GRIN2A: variants seen among roughly 807,000 people sequenced by gnomAD.
GRIN2A encodes glutamate receptor ionotropic, NMDA 2A.
A neutral mutation model predicts 113.4 loss-of-function variants in GRIN2A; 22 were observed. The observed-to-expected ratio is 0.19, with a 90% CI of 0.14 to 0.28. The LOEUF (loss-of-function observed/expected upper bound fraction) is 0.28. GRIN2A is among the 10% of genes least tolerant of loss of function. GRIN2A has a pLI of 1.00. For missense variants in GRIN2A, 1,502 were observed against 1,887.0 expected, an observed-to-expected ratio of 0.80 and a Z score of 3.78; for synonymous variants, 827 against 738.4, an observed-to-expected ratio of 1.12 and a Z score of -1.94.
chr16:9,780,852 T>A (rs1010213415), intron 11 of GRIN2A, among the ~76,000 whole-genome samples: 9 of 152,228 alleles, frequency 5.9e-5, no homozygotes, highest in Non-Finnish European at 5.9e-5. Context: ...CAAACTTTTT[T>A]AAGCGTGATA....
At chr16:10,058,203 C>A (rs528135105) in intron 2 of GRIN2A, among the ~76,000 whole-genome samples, 56 of 151,676 alleles carry the variant, frequency 3.7e-4, no homozygotes, top group Non-Finnish European at 7.5e-4. Context: ...TGCAGTGAGC[C>A]ATGATCAAGC....
At chr16:9,958,916 A>C (rs1380105859) in intron 2 of GRIN2A, among the ~76,000 whole-genome samples, 2 of 152,222 alleles carry the variant, frequency 1.3e-5, no homozygotes, top group Non-Finnish European at 2.9e-5. Context: ...TATTTGTTAG[A>C]TAAATGAATT....
intron 2 of GRIN2A, among the ~76,000 whole-genome samples, chr16:9,980,113 A>T (rs2045862835): frequency 6.6e-6 from 1 of 151,772 alleles, no homozygotes; most frequent in Non-Finnish European, 1.5e-5. Context: ...AAAAAAACAG[A>T]AAAAGAAAAA....
intron 12 of GRIN2A, among the ~76,000 whole-genome samples, chr16:9,766,646 T>C (rs949872640): frequency 6.6e-6 from 1 of 152,146 alleles, no homozygotes; most frequent in Non-Finnish European, 1.5e-5. Context: ...TGCTGGAGCA[T>C]CCAGACTGTG....
chr16:10,131,783 C>T (rs753330710), intron 2 of GRIN2A, among the ~76,000 whole-genome samples: 26 of 152,258 alleles, frequency 1.7e-4, no homozygotes, highest in Middle Eastern at 6.8e-3. Context: ...GTGCCCCTGA[C>T]CCACCATGGA....
chr16:9,876,494 C>T (rs1000428787), intron 4 of GRIN2A, among the ~76,000 whole-genome samples: 15 of 152,216 alleles, frequency 9.9e-5, no homozygotes, highest in African/African-American at 3.1e-4. Flanking sequence ...CATACACTAG[C>T]GTTGGCCTCC....
At chr16:9,867,131 C>T (rs1209616480) in intron 4 of GRIN2A, among the ~76,000 whole-genome samples, 2 of 152,134 alleles carry the variant, frequency 1.3e-5, no homozygotes, top group Non-Finnish European at 2.9e-5. Flanking sequence ...GTCTTCCTAT[C>T]ACACCCACCT....
At chr16:10,025,246 C>A (rs191771546) in intron 2 of GRIN2A, among the ~76,000 whole-genome samples, 4 of 145,822 alleles carry the variant, frequency 2.7e-5, no homozygotes, top group Admixed American at 2.1e-4. Flanking sequence ...TGGGGTTTAA[C>A]GAAAGGTTTT....
chr16:10,023,210 C>T (rs529105360), intron 2 of GRIN2A, among the ~76,000 whole-genome samples: 1 of 152,158 alleles, frequency 6.6e-6, no homozygotes, highest in Admixed American at 6.5e-5. Context: ...ACAGCTGCCC[C>T]CAATGTTCAG....
At chr16:9,883,364 T>A (rs957110830) in intron 4 of GRIN2A, among the ~76,000 whole-genome samples, 2 of 152,174 alleles carry the variant, frequency 1.3e-5, no homozygotes, top group Non-Finnish European at 2.9e-5. Context: ...CTTCCCCTCT[T>A]GGGGATTCTA....
At chr16:9,918,514 G>A (rs932566713) in intron 3 of GRIN2A, among the ~76,000 whole-genome samples, 21 of 152,042 alleles carry the variant, frequency 1.4e-4, no homozygotes, top group African/African-American at 4.8e-4. Context: ...TCAGACTATG[G>A]GTAACTGGAA....
chr16:10,178,320 T>C (rs1435073653), intron 2 of GRIN2A, among the ~76,000 whole-genome samples: 1 of 152,180 alleles, frequency 6.6e-6, no homozygotes, highest in African/African-American at 2.4e-5. Context: ...TGAAGATGGA[T>C]GACATCATTA....
intron 2 of GRIN2A, among the ~76,000 whole-genome samples, chr16:10,133,485 T>C (rs1186583264): frequency 6.6e-6 from 1 of 152,164 alleles, no homozygotes; most frequent in East Asian, 1.9e-4. Context: ...TGTGCACCCA[T>C]AATCCCAGCT....
chr16:10,157,898 A>G (rs746132432), intron 2 of GRIN2A, among the ~76,000 whole-genome samples: 6 of 152,004 alleles, frequency 3.9e-5, no homozygotes, highest in Non-Finnish European at 8.8e-5. Context: ...TTGTTTGTTT[A>G]TTTGATTGTT....
chr16:9,870,447 G>A (rs545172053), intron 4 of GRIN2A, among the ~76,000 whole-genome samples: 4 of 152,198 alleles, frequency 2.6e-5, no homozygotes, highest in East Asian at 3.9e-4. Flanking sequence ...AGAAAGCTGC[G>A]TGTCATTATG....
At chr16:10,030,991 T>C in intron 2 of GRIN2A, among the ~76,000 whole-genome samples, 1 of 152,200 alleles carries the variant, frequency 6.6e-6, no homozygotes, top group South Asian at 2.1e-4. Flanking sequence ...TACTGGCTGC[T>C]GACTTGTTAA....
At chr16:9,829,994 A>G (rs2042459418) in intron 8 of GRIN2A, among the ~76,000 whole-genome samples, 1 of 152,208 alleles carries the variant, frequency 6.6e-6, no homozygotes. Flanking sequence ...TTCTTAATAA[A>G]CATAAAGAGA....
At chr16:9,903,482 T>C (rs570919704) in intron 3 of GRIN2A, among the ~76,000 whole-genome samples, 1 of 152,214 alleles carries the variant, frequency 6.6e-6, no homozygotes, top group African/African-American at 2.4e-5. Flanking sequence ...TACCTTAATC[T>C]CCACCCGAGG....
intron 3 of GRIN2A, among the ~76,000 whole-genome samples, chr16:9,929,705 T>A (rs530927633): frequency 6.6e-6 from 1 of 152,286 alleles, no homozygotes; most frequent in East Asian, 1.9e-4. Flanking sequence ...TGGCAACAAA[T>A]AATTAGCACA....
Sources: gnomAD v4.1 joint callset for allele counts (sites outside exome capture counted in the v4.1 genomes callset) on GRCh38, gnomAD v4.1.1 for gene constraint, MANE v1.5 for transcripts, NCBI Gene and HGNC (gene_info 2026-07-23, HGNC 2026-07-21) for gene names.